Variants in SNX20 observed in about 807,000 individuals in gnomAD.
SNX20 encodes the protein sorting nexin-20.
SNX20 carries 21 observed loss-of-function variants against 24.5 expected under a neutral mutation model. The observed-to-expected ratio is 0.86, with a 90% CI of 0.61 to 1.23. The LOEUF is 1.23. Among genes scored for constraint, SNX20 ranks in the 50% most tolerant of loss-of-function variants. The pLI, the probability that SNX20 is intolerant of heterozygous loss-of-function variation, is 0.00. For missense variants in SNX20, 433 were observed against 430.8 expected (o/e 1.00, Z -0.04); for synonymous variants, 206 against 192.8 (o/e 1.07, Z -0.57).
exon 4 of SNX20, chr16:50,666,350 C>T (rs1480167162): frequency 1.3e-5 from 2 of 152,138 alleles, no homozygotes. Context: ...TTTTTGTCAA[C>T]TAAAAAAATA....
intron 1 of SNX20, among the ~76,000 whole-genome samples, 194 bp from the exon 2 acceptor site, chr16:50,677,729 C>T (rs1963216832): frequency 6.6e-6 from 1 of 152,224 alleles, no homozygotes; most frequent in Non-Finnish European, 1.5e-5. Flanking sequence ...GGGCAGGTTA[C>T]TCCAAGGCAG....
chr16:50,673,573 C>A lies in SNX20; in HGVS notation c.784G>T (p.Gly262Cys). 1 of 1,598,442 alleles carries A rather than the reference C, an allele frequency of 6.3e-7. No homozygotes were observed. The highest frequency in any genetic ancestry group is 8.5e-7 in the Non-Finnish European group (1 of 1,176,154). ...RALQRLQARE[G>C]HRYYAPLLDA... ...AGCAGAGGCGCATAGTAGCGATGGCCCTCCCGGGCCTGCAGGCGCTGCAGG... is the reference window on the plus strand; with the variant it reads ...AGCAGAGGCGCATAGTAGCGATGGCACTCCCGGGCCTGCAGGCGCTGCAGG... Residue 262 changes from glycine to cysteine, a missense_variant, in exon 4 of 4, where the codon GGC (glycine) becomes TGC (cysteine). Transcript: ENST00000330943. The surrounding 1 kb of genome is among the most constrained non-coding windows in gnomAD (Gnocchi z 4.1).
downstream of SNX20, chr16:50,670,614 G>A (rs1361537437): frequency 1.3e-5 from 2 of 152,380 alleles, no homozygotes; most frequent in Non-Finnish European, 2.9e-5. Context: ...TACCCCGGTG[G>A]GGCTGCAGTG....
downstream of SNX20, chr16:50,668,065 G>T: frequency 6.4e-7 from 1 of 1,551,678 alleles, no homozygotes. Flanking sequence ...GCCAAGAGTG[G>T]GCAATCAAAG....
In SNX20 at chr16:50,675,791, C is replaced by T. The variant is rs946098892; in HGVS notation, c.261G>A (p.Glu87=). The change falls in exon 3 of 4, where the codon GAG becomes GAA. Residue 87 remains glutamate, a synonymous_variant. Transcript: ENST00000330943. ...LFEIASARIE[E]RKVSKFVVYQ... is the part of the protein sequence containing the mutation. ...TTACCACAAACTTAGAGACTTTTCT[C>T]TCCTCGATGCGAGCTGAAGCGATCT... 6.2e-7 allele frequency: 1 copy of T among 1,613,424 alleles called. No individual in the cohort carries two copies. The highest frequency in any genetic ancestry group is 1.7e-5 in the Admixed American group (1 of 59,792).
Position 50,674,221 on chromosome 16 carries a change from G to GTTTA in SNX20, c.283-148_283-147insTAAA, listed in dbSNP as rs1339968231. ...TATGCAATTGTTTGTTTGTTTGTTT[G>GTTTA]TTTGTTTGTTTATTTATTTATTTAT... On this transcript the variant is annotated intron_variant, in intron 3 of 3. Coordinates refer to ENST00000330943, the MANE Select transcript of SNX20 (RefSeq NM_182854.4). The GTTTA allele has an allele frequency of 9.1e-4, 836 of 914,618 alleles. 3 individuals carry two copies. In the African/African-American group the frequency reaches 0.011, roughly 12 times the overall value. The allele number at this position is 914,618 out of a possible 1,614,324, so 56.7% of individuals were successfully genotyped here.
intron 3 of SNX20, among the ~76,000 whole-genome samples, chr16:50,675,035 C>T (rs955954118): frequency 6.6e-6 from 1 of 152,200 alleles, no homozygotes; most frequent in African/African-American, 2.4e-5. Flanking sequence ...CTACCTCACC[C>T]AGTGAGGATT....
downstream of SNX20, chr16:50,667,422 C>T (rs977131376): frequency 1.3e-5 from 2 of 154,518 alleles, no homozygotes; most frequent in African/African-American, 2.4e-5. Flanking sequence ...CTTTGAACAG[C>T]GCCCCCTCTG....
At chr16:50,670,528 C>A (rs2150758788), downstream of SNX20, 1 of 152,394 alleles carries the variant, frequency 6.6e-6, no homozygotes, top group East Asian at 1.9e-4. Context: ...CCAGCTGCCA[C>A]CACTCTAAAG....
downstream of SNX20, chr16:50,667,560 C>G (rs1962942529): frequency 5.0e-6 from 1 of 200,624 alleles, no homozygotes; most frequent in Admixed American, 5.2e-5. Context: ...ACTGCTGTAT[C>G]CCCAGCTCTA....
downstream of SNX20, chr16:50,670,853 C>T (rs1043509927): frequency 2.0e-5 from 3 of 152,188 alleles, no homozygotes; most frequent in Admixed American, 6.5e-5. Context: ...GCCAGAAGCA[C>T]GAGGAGGGGC....
intron 2 of SNX20, among the ~76,000 whole-genome samples, chr16:50,676,741 G>A (rs1190092746): frequency 1.3e-5 from 2 of 152,166 alleles, no homozygotes; most frequent in Non-Finnish European, 2.9e-5. Flanking sequence ...TCACTGATCT[G>A]TTTCTCTACC....
At chr16:50,676,137 C>T (rs1230073705) in intron 2 of SNX20, among the ~76,000 whole-genome samples, 2 of 151,984 alleles carry the variant, frequency 1.3e-5, no homozygotes, top group African/African-American at 4.8e-5. Context: ...ACCGACAATC[C>T]CAAATAGCCC....
downstream of SNX20, chr16:50,668,167 G>A: frequency 1.3e-6 from 2 of 1,535,982 alleles, no homozygotes; most frequent in Non-Finnish European, 1.8e-6. Flanking sequence ...AAGTCTCCAG[G>A]GTGCTTGGGC....
At chr16:50,676,710 C>T (rs544248925) in intron 2 of SNX20, among the ~76,000 whole-genome samples, 62 of 152,314 alleles carry the variant, frequency 4.1e-4, no homozygotes, top group Non-Finnish European at 7.5e-4. Context: ...ATTTATTTCT[C>T]GTGGCACGTG....
chr16:50,674,354 A>G (rs1254115398), intron 3 of SNX20, among the ~76,000 whole-genome samples: 2 of 151,866 alleles, frequency 1.3e-5, no homozygotes, highest in African/African-American at 4.8e-5. Context: ...GGCTCAATTG[A>G]CCTGCCCACC....
At chr16:50,667,577 G>T, downstream of SNX20, 1 of 222,024 alleles carries the variant, frequency 4.5e-6, no homozygotes, top group South Asian at 6.5e-5. Flanking sequence ...TCTAGATAAG[G>T]CCTGAGACAT....
At chr16:50,671,479 G>C (rs774142851), downstream of SNX20, 2 of 152,122 alleles carry the variant, frequency 1.3e-5, no homozygotes, top group African/African-American at 4.8e-5. Context: ...CATATCGGGG[G>C]TCTAACTCTT....
At chr16:50,679,588 C>T (rs573656841) in intron 1 of SNX20, among the ~76,000 whole-genome samples, 30 of 152,228 alleles carry the variant, frequency 2.0e-4, no homozygotes, top group Non-Finnish European at 3.8e-4. Flanking sequence ...TCTCGCTTGT[C>T]TCTTGTGCCT....
Sources: gnomAD v4.1 joint callset for allele counts (sites outside exome capture counted in the v4.1 genomes callset) on GRCh38, gnomAD v4.1.1 for gene constraint, Gnocchi (gnomAD v3.1) non-coding constraint, MANE v1.5 for transcripts, NCBI Gene and HGNC (gene_info 2026-07-23, HGNC 2026-07-21) for gene names.